VWA8: variants seen among roughly 807,000 people sequenced by gnomAD.
The protein encoded by VWA8 is von Willebrand factor A domain containing 8.
VWA8 carries 221 observed loss-of-function variants against 241.5 expected under a neutral mutation model. The observed-to-expected ratio is 0.91, with a 90% CI of 0.82 to 1.02. The LOEUF (loss-of-function observed/expected upper bound fraction) is 1.02, where lower values mean the gene tolerates loss of function less well. Ranked by LOEUF, VWA8 falls within the 50% of genes least tolerant of loss-of-function variation. The pLI is 0.00. For missense variants in VWA8, 2,322 were observed against 2,328.7 expected (o/e 1.00, Z 0.06); for synonymous variants, 852 against 827.1 (o/e 1.03, Z -0.52).
intron 1 of VWA8, among the ~76,000 whole-genome samples, chr13:41,952,399 T>C (rs1244777548): frequency 6.6e-6 from 1 of 152,216 alleles, no homozygotes; most frequent in Non-Finnish European, 1.5e-5. Context: ...AATTAGCTAC[T>C]TTCTACAGTA....
intron 34 of VWA8, 25 bp downstream of exon 34, chr13:41,689,329 G>T: frequency 6.3e-7 from 1 of 1,597,728 alleles, no homozygotes. Flanking sequence ...ACATTTATCC[G>T]ATAATTTAAA....
At chr13:41,583,551 A>C (rs1212453643) in intron 42 of VWA8, among the ~76,000 whole-genome samples, 1 of 151,560 alleles carries the variant, frequency 6.6e-6, no homozygotes, top group Non-Finnish European at 1.5e-5. Flanking sequence ...GCTGAGACAG[A>C]AGAATCGCTT....
chr13:41,780,632 T>G (rs1306750857), intron 19 of VWA8, among the ~76,000 whole-genome samples: 2 of 152,198 alleles, frequency 1.3e-5, no homozygotes, highest in Non-Finnish European at 2.9e-5. Context: ...TTGTATCAGC[T>G]AATTAGCTTC....
intron 17 of VWA8, among the ~76,000 whole-genome samples, chr13:41,793,063 A>T (rs1869527639): frequency 1.3e-5 from 2 of 152,140 alleles, no homozygotes; most frequent in Non-Finnish European, 2.9e-5. Context: ...AGAAAATGTG[A>T]CAAGTATTTT....
chr13:41,829,093 G>T (rs1202576017), intron 14 of VWA8, among the ~76,000 whole-genome samples: 1 of 152,086 alleles, frequency 6.6e-6, no homozygotes, highest in East Asian at 1.9e-4. Flanking sequence ...TGAATTGACA[G>T]GGCAACAGAG....
At chr13:41,706,294 G>C (rs1274307368) in intron 26 of VWA8, among the ~76,000 whole-genome samples, 4 of 152,272 alleles carry the variant, frequency 2.6e-5, no homozygotes, top group Admixed American at 2.6e-4. Context: ...TGTTTGGTTG[G>C]CAGGGTATGG....
At chr13:41,897,116 G>A (rs1875146585) in intron 4 of VWA8, among the ~76,000 whole-genome samples, 5 of 151,946 alleles carry the variant, frequency 3.3e-5, no homozygotes, top group Non-Finnish European at 7.4e-5. Flanking sequence ...ACAATATGTT[G>A]TTTACTCAAA....
At chr13:41,785,274 C>T (rs1869136575) in intron 18 of VWA8, among the ~76,000 whole-genome samples, 1 of 152,038 alleles carries the variant, frequency 6.6e-6, no homozygotes. Context: ...TAAGAACATA[C>T]ACTATGTAAT....
At chr13:41,573,603 A>C (rs2044329298) in intron 43 of VWA8, among the ~76,000 whole-genome samples, 1 of 136,986 alleles carries the variant, frequency 7.3e-6, no homozygotes, top group South Asian at 2.3e-4. Flanking sequence ...ACACCTCTAT[A>C]TATACGCATA....
intron 2 of VWA8, among the ~76,000 whole-genome samples, chr13:41,918,589 T>G (rs1593868904): frequency 6.6e-6 from 1 of 152,320 alleles, no homozygotes; most frequent in East Asian, 1.9e-4. Context: ...CTTTTTATAT[T>G]GTTTTGATTT....
At chr13:41,824,545 T>G (rs1378697099) in intron 14 of VWA8, among the ~76,000 whole-genome samples, 1 of 152,002 alleles carries the variant, frequency 6.6e-6, no homozygotes, top group Non-Finnish European at 1.5e-5. Flanking sequence ...CTCAGTATAT[T>G]GGATGGGTGC....
intron 42 of VWA8, among the ~76,000 whole-genome samples, chr13:41,582,165 T>A (rs902156097): frequency 6.6e-6 from 1 of 152,114 alleles, no homozygotes; most frequent in Non-Finnish European, 1.5e-5. Flanking sequence ...CTTTAAACAC[T>A]CCAAATGGCT....
chr13:41,812,793 G>T (rs1281838598), intron 16 of VWA8, among the ~76,000 whole-genome samples: 5 of 152,026 alleles, frequency 3.3e-5, no homozygotes, highest in Admixed American at 2.6e-4. Flanking sequence ...AAGTTTCAAA[G>T]AACTCAATTA....
chr13:41,568,741 G>A (rs1298640340), intron 44 of VWA8, among the ~76,000 whole-genome samples: 1 of 152,140 alleles, frequency 6.6e-6, no homozygotes, highest in African/African-American at 2.4e-5. Flanking sequence ...TAAAAACGCT[G>A]CGCAGCCAAA....
intron 40 of VWA8, among the ~76,000 whole-genome samples, chr13:41,597,931 C>G (rs565183418): frequency 1.4e-4 from 21 of 152,130 alleles, no homozygotes; most frequent in African/African-American, 4.6e-4. Context: ...TTGACCATCT[C>G]TTACCATCTC....
At chr13:41,614,884 C>A (rs1308973429) in intron 38 of VWA8, 92 bp downstream of exon 38, 1 of 1,257,322 alleles carries the variant, frequency 8.0e-7, no homozygotes, top group Non-Finnish European at 1.1e-6. Context: ...AAGGAAAGCC[C>A]GTCTCTGAGT....
intron 12 of VWA8, among the ~76,000 whole-genome samples, chr13:41,845,641 T>C (rs117914593): frequency 0.014 from 2,128 of 151,798 alleles, 12 homozygotes; most frequent in Middle Eastern, 0.024. Flanking sequence ...AGCCATAAAA[T>C]AGAATGAAAT....
At chr13:41,637,022 C>G (rs555093602) in intron 37 of VWA8, among the ~76,000 whole-genome samples, 17 of 150,546 alleles carry the variant, frequency 1.1e-4, no homozygotes, top group Non-Finnish European at 1.9e-4. Flanking sequence ...CCTCAGGGAT[C>G]TAGAACTAGA....
chr13:41,801,363 G>A (rs930506399), intron 17 of VWA8, among the ~76,000 whole-genome samples: 1 of 152,052 alleles, frequency 6.6e-6, no homozygotes, highest in Non-Finnish European at 1.5e-5. Context: ...ACAAATTCAA[G>A]TTGCAACACA....
Sources: gnomAD v4.1 joint callset for allele counts (sites outside exome capture counted in the v4.1 genomes callset) on GRCh38, gnomAD v4.1.1 for gene constraint, MANE v1.5 for transcripts, NCBI Gene and HGNC (gene_info 2026-07-23, HGNC 2026-07-21) for gene names.